The following RASGEF1A variants were observed in gnomAD, a reference collection of about 807,000 sequenced individuals.
The protein encoded by RASGEF1A is RasGEF domain family member 1A, also known as ras-GEF domain-containing family member 1A.
A neutral mutation model predicts 56.4 loss-of-function variants in RASGEF1A; 18 were observed. The ratio of observed to expected loss-of-function variants is 0.32; its 90% confidence interval spans 0.22 to 0.47. RASGEF1A has a LOEUF of 0.47. Among genes scored for constraint, RASGEF1A ranks in the 20% least tolerant of loss-of-function variants. RASGEF1A has a pLI of 1.00. For missense variants in RASGEF1A, 422 were observed against 627.1 expected, an observed-to-expected ratio of 0.67 and a Z score of 3.49; for synonymous variants, 245 against 242.6, an observed-to-expected ratio of 1.01 and a Z score of -0.09.
At chr10:43,232,182 T>C (rs1415112259) in intron 1 of RASGEF1A, among the ~76,000 whole-genome samples, 1 of 152,250 alleles carries the variant, frequency 6.6e-6, no homozygotes, top group Non-Finnish European at 1.5e-5. Flanking sequence ...TGTTGGAGGT[T>C]GGAGGCGATT....
At chr10:43,212,275 G>A (rs528924381) in intron 1 of RASGEF1A, among the ~76,000 whole-genome samples, 1 of 152,344 alleles carries the variant, frequency 6.6e-6, no homozygotes, top group Admixed American at 6.5e-5. Context: ...TGCTGCCCGG[G>A]ACTGTGCTTC....
Position 43,199,692 on chromosome 10 carries a change from G to A in RASGEF1A, c.833C>T (p.Ala278Val). 1 of 1,613,474 alleles carries A rather than the reference G, an allele frequency of 6.2e-7. No homozygotes were observed. Among genetic ancestry groups the A allele is most frequent in the Non-Finnish European group, 8.5e-7 (1 of 1,179,978 alleles). Residue 278 changes from alanine to valine, a missense_variant, in exon 7 of 13, where the codon GCC becomes GTC. Coordinates refer to ENST00000395810, the MANE Select transcript of RASGEF1A (RefSeq NM_145313.4). ...NWFNCLSMLV[A>V]TEVCRVVKKK... is the part of the protein sequence containing the mutation. ...GGCACTTACCCGGCACACCTCAGTGGCCACCAGCATGCTCAGGCAGTTGAA... is the reference window on the plus strand; with the variant it reads ...GGCACTTACCCGGCACACCTCAGTGACCACCAGCATGCTCAGGCAGTTGAA...
chr10:43,237,874 C>T (rs1840451685), intron 1 of RASGEF1A, among the ~76,000 whole-genome samples: 1 of 152,224 alleles, frequency 6.6e-6, no homozygotes, highest in Non-Finnish European at 1.5e-5. Context: ...GTGATGTCTC[C>T]TCTCCCACAG....
intron 1 of RASGEF1A, among the ~76,000 whole-genome samples, chr10:43,226,659 C>G (rs1840283674): frequency 6.6e-6 from 1 of 152,164 alleles, no homozygotes; most frequent in African/African-American, 2.4e-5. Flanking sequence ...CCTCATGACC[C>G]AGGAACCAGC....
At chr10:43,242,080 G>C (rs564061786) in intron 1 of RASGEF1A, among the ~76,000 whole-genome samples, 1 of 152,314 alleles carries the variant, frequency 6.6e-6, no homozygotes, top group Non-Finnish European at 1.5e-5. Flanking sequence ...GGAGCTTGCA[G>C]TGAGCCAAGA....
In RASGEF1A at chr10:43,196,124, TA is replaced by T; in HGVS notation, c.*119del. The T allele has an allele frequency of 3.2e-6, 3 of 930,274 alleles. No individual in the cohort carries two copies. The highest frequency in any genetic ancestry group is 3.2e-6 in the Non-Finnish European group (2 of 617,608). The allele number at this position is 930,274 out of a possible 1,614,324, so 57.6% of individuals were successfully genotyped here. ...TGAAATAATTACCATTTTTTTCTCATAAAAGTTATATACAAAATGGACCCCA... is the reference window on the plus strand; with the variant it reads ...TGAAATAATTACCATTTTTTTCTCATAAAGTTATATACAAAATGGACCCCA... On this transcript the variant is annotated 3_prime_UTR_variant, in exon 13 of 13. Coordinates refer to ENST00000395810, the MANE Select transcript of RASGEF1A (RefSeq NM_145313.4). The surrounding 1 kb of genome is among the most constrained non-coding windows in gnomAD (Gnocchi z 4.6).
intron 1 of RASGEF1A, among the ~76,000 whole-genome samples, chr10:43,262,853 G>A (rs564477631): frequency 2.0e-4 from 31 of 152,324 alleles, no homozygotes; most frequent in African/African-American, 6.3e-4. Flanking sequence ...ATGGTGGCCC[G>A]GCCCACAGAG....
intron 2 of RASGEF1A, 80 bp downstream of exon 2, chr10:43,205,839 G>C (rs538597552): frequency 2.9e-5 from 35 of 1,200,126 alleles, no homozygotes; most frequent in Admixed American, 1.1e-4. Flanking sequence ...CACTCTGTGG[G>C]GGCCTCCCTC....
At chr10:43,260,893 T>C (rs932509221) in intron 1 of RASGEF1A, among the ~76,000 whole-genome samples, 2 of 152,270 alleles carry the variant, frequency 1.3e-5, no homozygotes, top group African/African-American at 4.8e-5. Flanking sequence ...ACAACTCTTT[T>C]AGAGTTATCT....
In RASGEF1A at chr10:43,243,885, G is replaced by A. The variant is rs1001030165; in HGVS notation, c.-7+22960C>T. On this transcript the variant is annotated intron_variant, in intron 1 of 12. Coordinates refer to ENST00000395810, the MANE Select transcript of RASGEF1A (RefSeq NM_145313.4). ...TCTGGGAAGTGTACCCAACAGCTCCGAAGAGACAGCGACCATCGAGAATGG... is the reference window on the plus strand; with the variant it reads ...TCTGGGAAGTGTACCCAACAGCTCCAAAGAGACAGCGACCATCGAGAATGG... Among the ~76,000 whole-genome samples, 33 of 152,090 alleles carry A rather than the reference G, an allele frequency of 2.2e-4. 1 individual carries two copies. Among genetic ancestry groups the A allele is most frequent in the Admixed American group, 2.0e-3 (31 of 15,278 alleles).
At chr10:43,242,838 T>A (rs1840518487) in intron 1 of RASGEF1A, among the ~76,000 whole-genome samples, 2 of 152,220 alleles carry the variant, frequency 1.3e-5, no homozygotes, top group Non-Finnish European at 2.9e-5. Context: ...CATTGCTCAA[T>A]GTTGCCCAGG....
chr10:43,236,335 A>G (rs1247333136), intron 1 of RASGEF1A, among the ~76,000 whole-genome samples: 2 of 152,204 alleles, frequency 1.3e-5, no homozygotes, highest in African/African-American at 4.8e-5. Context: ...TTGTGTGCGC[A>G]TGTATACATG....
chr10:43,198,699 G>A (rs545590013), intron 9 of RASGEF1A, among the ~76,000 whole-genome samples: 3 of 152,310 alleles, frequency 2.0e-5, no homozygotes, highest in South Asian at 2.1e-4. Context: ...TTGCTTAACC[G>A]CATTCCACTC....
intron 1 of RASGEF1A, chr10:43,229,689 T>C: frequency 6.9e-7 from 1 of 1,450,900 alleles, no homozygotes; most frequent in Non-Finnish European, 9.1e-7. Flanking sequence ...TCCTGCCCGG[T>C]CCGGCGTCCA....
chr10:43,203,537 C>T (rs1471179717), intron 2 of RASGEF1A, 117 bp from the exon 3 acceptor site: 10 of 1,406,970 alleles, frequency 7.1e-6, no homozygotes, highest in Non-Finnish European at 9.4e-6. Context: ...GGTCCCGAGG[C>T]CATGCCTTCA....
intron 1 of RASGEF1A, among the ~76,000 whole-genome samples, chr10:43,250,038 T>C (rs1840609070): frequency 6.6e-6 from 1 of 152,200 alleles, no homozygotes; most frequent in South Asian, 2.1e-4. Context: ...ACCACCTCTG[T>C]GTCTCCCACC....
intron 4 of RASGEF1A, 148 bp from the exon 5 acceptor site, chr10:43,201,036 G>C (rs982853921): frequency 1.5e-6 from 1 of 678,630 alleles, no homozygotes; most frequent in Non-Finnish European, 2.5e-6. Context: ...AGGCCTTCAA[G>C]GACAAAGTGG....
In RASGEF1A at chr10:43,243,739, G is replaced by A. The variant is rs180905240; in HGVS notation, c.-7+23106C>T. Among the ~76,000 whole-genome samples the A allele has an allele frequency of 2.2e-3, 311 of 143,880 alleles. 2 individuals are homozygous for A. The highest frequency in any genetic ancestry group is 7.4e-3 in the African/African-American group (284 of 38,372). The allele number at this position is 143,880 out of a possible 152,430, so 94.4% of individuals were successfully genotyped here. A position where few individuals can be genotyped will look rare whatever the true frequency, so the allele number is the denominator to read the frequency against. ...ATCTGGGAAGTGGGCGCCTCTGCCC[G>A]GCCGCCCCATCTGGGAGGTGAGGGG... On this transcript the variant is annotated intron_variant, in intron 1 of 12. Coordinates refer to ENST00000395810, the MANE Select transcript of RASGEF1A (RefSeq NM_145313.4).
At chr10:43,212,004 A>G (rs1242751155) in intron 1 of RASGEF1A, among the ~76,000 whole-genome samples, 1 of 152,172 alleles carries the variant, frequency 6.6e-6, no homozygotes, top group Non-Finnish European at 1.5e-5. Flanking sequence ...CCTTGCCTCA[A>G]TGGTGCCCAG....
Sources: allele counts gnomAD v4.1 joint callset (sites outside exome capture counted in the v4.1 genomes callset), GRCh38; gene constraint gnomAD v4.1.1; non-coding constraint Gnocchi (gnomAD v3.1); transcripts MANE v1.5; gene names NCBI Gene and HGNC (gene_info 2026-07-23, HGNC 2026-07-21).